DLG5: variants seen among roughly 807,000 people sequenced by gnomAD.
DLG5 encodes discs large MAGUK scaffold protein 5.
DLG5 carries 48 observed loss-of-function variants against 189.8 expected under a neutral mutation model. The ratio of observed to expected loss-of-function variants is 0.25; its 90% CI spans 0.20 to 0.32. The LOEUF (loss-of-function observed/expected upper bound fraction) is 0.32. DLG5 is among the 10% of genes least tolerant of loss of function. The pLI is 1.00. For missense variants in DLG5, 2,160 were observed against 2,544.7 expected, an observed-to-expected ratio of 0.85 and a Z score of 3.25; for synonymous variants, 1,016 against 1,054.1, an observed-to-expected ratio of 0.96 and a Z score of 0.70.
intron 14 of DLG5, among the ~76,000 whole-genome samples, chr10:77,823,737 T>C (rs570016705): frequency 3.3e-5 from 5 of 152,034 alleles, no homozygotes; most frequent in Non-Finnish European, 7.4e-5. Context: ...TCCATGTTGG[T>C]CAAGGCTGGT....
chr10:77,876,375 T>C (rs1480951392), intron 1 of DLG5, among the ~76,000 whole-genome samples: 20 of 73,588 alleles, frequency 2.7e-4, no homozygotes, highest in African/African-American at 5.0e-4. Context: ...CCATCTCTCT[T>C]TTTTTTTTTT....
chr10:77,858,593 A>T (rs1015100615), intron 2 of DLG5, among the ~76,000 whole-genome samples: 1 of 151,464 alleles, frequency 6.6e-6, no homozygotes, highest in South Asian at 2.1e-4. Context: ...AGCCGAGATC[A>T]CACCACTGTA....
At chr10:77,862,290 G>A (rs1418577355) in intron 2 of DLG5, among the ~76,000 whole-genome samples, 6 of 151,944 alleles carry the variant, frequency 3.9e-5, no homozygotes, top group African/African-American at 1.5e-4. Flanking sequence ...TCTGTCCCTG[G>A]ACATTCCCTC....
upstream of DLG5, among the ~76,000 whole-genome samples, chr10:77,931,649 C>T (rs1352903425): frequency 3.3e-5 from 5 of 152,130 alleles, no homozygotes; most frequent in Non-Finnish European, 7.4e-5. Context: ...CTACTGTCAA[C>T]TCTGCTGGGC....
intron 20 of DLG5, among the ~76,000 whole-genome samples, chr10:77,814,479 A>ATATG (rs1841947358): frequency 9.6e-6 from 1 of 104,648 alleles, no homozygotes; most frequent in Non-Finnish European, 1.7e-5. Flanking sequence ...ATATATATAT[A>ATATG]TATATATATA....
chr10:77,806,601 G>A (rs1416906665), intron 26 of DLG5, among the ~76,000 whole-genome samples, 157 bp downstream of exon 26: 1 of 152,194 alleles, frequency 6.6e-6, no homozygotes, highest in Non-Finnish European at 1.5e-5. Context: ...TTTTAGACCA[G>A]CACTTTTGGC....
chr10:77,799,741 CGG>C (rs2154574922), intron 27 of DLG5, among the ~76,000 whole-genome samples: 1 of 152,116 alleles, frequency 6.6e-6, no homozygotes, highest in Non-Finnish European at 1.5e-5. Flanking sequence ...CCTGAGTAGC[CGG>C]GACTACAGGC....
chr10:77,858,809 C>A (rs574621787), intron 2 of DLG5, among the ~76,000 whole-genome samples: 1 of 152,168 alleles, frequency 6.6e-6, no homozygotes, highest in South Asian at 2.1e-4. Context: ...TAGAAAAAGC[C>A]TATAGAATAA....
At chr10:77,894,074 T>C (rs1435069368) in intron 1 of DLG5, among the ~76,000 whole-genome samples, 1 of 152,228 alleles carries the variant, frequency 6.6e-6, no homozygotes, top group African/African-American at 2.4e-5. Context: ...TTCTACTGCC[T>C]GGTGGTTTTA....
intron 1 of DLG5, chr10:77,912,535 A>C (rs1019519135): frequency 6.6e-6 from 1 of 152,098 alleles, no homozygotes; most frequent in African/African-American, 2.4e-5. Context: ...GGAACATGCC[A>C]GCATGCCCAC....
intron 1 of DLG5, among the ~76,000 whole-genome samples, chr10:77,903,413 G>A (rs1442479618): frequency 2.2e-4 from 33 of 151,398 alleles, no homozygotes; most frequent in Admixed American, 1.7e-3. Context: ...GGGTGATAGA[G>A]TGAGACTCTG....
chr10:77,904,079 G>A (rs951442190), intron 1 of DLG5, among the ~76,000 whole-genome samples: 1 of 152,156 alleles, frequency 6.6e-6, no homozygotes, highest in African/African-American at 2.4e-5. Flanking sequence ...TGCAGTGGGA[G>A]GATCAGTGGG....
chr10:77,937,874 A>ATTTTTT, the DLG5 span, among the ~76,000 whole-genome samples: 3 of 104,130 alleles, frequency 2.9e-5, no homozygotes, highest in African/African-American at 3.8e-5. Context: ...CACTCAGCTA[A>ATTTTTT]TTTTTTTTTT....
At chr10:77,807,674 T>A in intron 25 of DLG5, 122 bp downstream of exon 25, 2 of 1,173,270 alleles carry the variant, frequency 1.7e-6, no homozygotes, top group South Asian at 3.0e-5. Context: ...TGTCAAGGAA[T>A]GATGATCATG....
At chr10:77,866,576 C>T (rs968172761) in intron 2 of DLG5, among the ~76,000 whole-genome samples, 1 of 152,124 alleles carries the variant, frequency 6.6e-6, no homozygotes, top group African/African-American at 2.4e-5. Flanking sequence ...GCCTGAGAAA[C>T]TAGAAATTTA....
At chr10:77,900,268 C>A (rs555082340) in intron 1 of DLG5, among the ~76,000 whole-genome samples, 1 of 152,258 alleles carries the variant, frequency 6.6e-6, no homozygotes, top group South Asian at 2.1e-4. Context: ...CTCTCCAGGT[C>A]ATCTCCTGCA....
At chr10:77,825,374 C>CACACACACACACACACA (rs1554816035) in intron 13 of DLG5, among the ~76,000 whole-genome samples, 3 of 130,814 alleles carry the variant, frequency 2.3e-5, no homozygotes, top group Non-Finnish European at 4.8e-5. Context: ...CCACACACAA[C>CACACACACACACACACA]CACACACACA....
At chr10:77,840,049 G>C (rs1843342822) in intron 7 of DLG5, among the ~76,000 whole-genome samples, 1 of 152,188 alleles carries the variant, frequency 6.6e-6, no homozygotes, top group Admixed American at 6.5e-5. Flanking sequence ...TGAATCATTT[G>C]TTCATCATGA....
the DLG5 span, among the ~76,000 whole-genome samples, chr10:77,938,797 C>T: frequency 6.6e-6 from 1 of 152,214 alleles, no homozygotes; most frequent in African/African-American, 2.4e-5. Context: ...TCTACCCCTC[C>T]CAGCCTTTCT....
Sources: gnomAD v4.1 joint callset for allele counts (sites outside exome capture counted in the v4.1 genomes callset) on GRCh38, gnomAD v4.1.1 for gene constraint, MANE v1.5 for transcripts, NCBI Gene and HGNC (gene_info 2026-07-23, HGNC 2026-07-21) for gene names.